Variants in FOXN3 observed in about 807,000 individuals in gnomAD.
FOXN3 encodes forkhead box N3.
FOXN3 carries 7 observed loss-of-function variants against 38.4 expected under a neutral mutation model. The ratio of observed to expected loss-of-function variants is 0.18; its 90% confidence interval spans 0.10 to 0.34. The LOEUF (loss-of-function observed/expected upper bound fraction) is 0.34, where lower values mean the gene tolerates loss of function less well. Among genes scored for constraint, FOXN3 ranks in the 10% least tolerant of loss-of-function variants. FOXN3 has a pLI of 1.00. For missense variants in FOXN3, 456 were observed against 613.4 expected, an observed-to-expected ratio of 0.74 and a Z score of 2.71; for synonymous variants, 230 against 242.2, an observed-to-expected ratio of 0.95 and a Z score of 0.47.
chr14:89,446,190 TTTTTTC>T lies in FOXN3; in HGVS notation c.-14-33706_-14-33701del, dbSNP rs1418940358. On this transcript the variant is annotated intron_variant, in intron 1 of 6. Coordinates refer to the FOXN3 transcript ENST00000345097. ...CTTCCTAAAAGTCTTTTTTTTTTTT[TTTTTTC>T]TTTTTTTTTTGAGACAGAGTCTCAC... is the stretch of plus-strand genomic sequence containing the variant. Among the ~76,000 whole-genome samples, 90 of 78,442 alleles carry T rather than the reference TTTTTTC, an allele frequency of 1.1e-3. 3 individuals carry two copies. Among genetic ancestry groups the T allele is most frequent in the African/African-American group, 4.0e-3 (82 of 20,510 alleles). 51.5% of individuals were successfully genotyped at this position (78,442 alleles called of 152,430 possible).
At chr14:89,593,248 G>T (rs1304605317) in intron 1 of FOXN3, among the ~76,000 whole-genome samples, 1 of 151,090 alleles carries the variant, frequency 6.6e-6, no homozygotes, top group Non-Finnish European at 1.5e-5. Flanking sequence ...AGGGAGGGAG[G>T]GAAGGAAGGA....
At chr14:89,312,899 C>T (rs1887602559) in intron 3 of FOXN3, among the ~76,000 whole-genome samples, 1 of 152,202 alleles carries the variant, frequency 6.6e-6, no homozygotes, top group Non-Finnish European at 1.5e-5. Flanking sequence ...GCCCTGTAAG[C>T]TCACAACCAC....
intron 4 of FOXN3, among the ~76,000 whole-genome samples, chr14:89,197,385 T>C (rs1888124602): frequency 6.6e-6 from 1 of 151,962 alleles, no homozygotes; most frequent in Non-Finnish European, 1.5e-5. Context: ...TGCACACCTG[T>C]AGTCCCAGCC....
chr14:89,297,906 G>A (rs1322135743), intron 3 of FOXN3, among the ~76,000 whole-genome samples: 2 of 152,170 alleles, frequency 1.3e-5, no homozygotes, highest in African/African-American at 4.8e-5. Context: ...GACGGCTTGA[G>A]CCCAGGAGTT....
At chr14:89,179,967 C>T (rs897350322) in intron 5 of FOXN3, among the ~76,000 whole-genome samples, 2 of 152,204 alleles carry the variant, frequency 1.3e-5, no homozygotes, top group Admixed American at 1.3e-4. Context: ...CTTCTGCAGA[C>T]AGCTAGAGGG....
intron 2 of FOXN3, among the ~76,000 whole-genome samples, chr14:89,393,098 C>A (rs2140079613): frequency 6.6e-6 from 1 of 152,116 alleles, no homozygotes; most frequent in East Asian, 1.9e-4. Context: ...AGCCACCGTG[C>A]CCGGCTTAAT....
At chr14:89,567,975 G>A (rs1208653350) in intron 1 of FOXN3, among the ~76,000 whole-genome samples, 1 of 151,926 alleles carries the variant, frequency 6.6e-6, no homozygotes, top group Non-Finnish European at 1.5e-5. Context: ...ACCCGCCTCG[G>A]CCTCCCAAAG....
chr14:89,561,951 C>T (rs977672487), intron 1 of FOXN3, among the ~76,000 whole-genome samples: 1 of 152,126 alleles, frequency 6.6e-6, no homozygotes, highest in African/African-American at 2.4e-5. Context: ...CCATGCCGTT[C>T]TAGGCATCAT....
chr14:89,214,498 G>A (rs1171570750), intron 4 of FOXN3, among the ~76,000 whole-genome samples: 1 of 152,198 alleles, frequency 6.6e-6, no homozygotes, highest in Non-Finnish European at 1.5e-5. Context: ...CTCCGAATCA[G>A]GAACCTGCCT....
intron 4 of FOXN3, chr14:89,230,833 CTTGT>C (rs1205479232): frequency 2.2e-6 from 1 of 455,680 alleles, no homozygotes. Context: ...AGTGTTCAGC[CTTGT>C]TTCTCAATGG....
chr14:89,411,082 T>C (rs1891532251), intron 2 of FOXN3, among the ~76,000 whole-genome samples: 1 of 152,126 alleles, frequency 6.6e-6, no homozygotes, highest in African/African-American at 2.4e-5. Flanking sequence ...CCACCTCCTG[T>C]CAGATCAGCG....
chr14:89,540,435 C>T (rs1378365382), intron 1 of FOXN3, among the ~76,000 whole-genome samples: 1 of 152,064 alleles, frequency 6.6e-6, no homozygotes, highest in Non-Finnish European at 1.5e-5. Context: ...CTAAAGCAAC[C>T]AGTTACAAAG....
chr14:89,411,626 A>G lies in FOXN3; in HGVS notation c.543+308T>C, dbSNP rs534067145. 2.0e-5 allele frequency among the ~76,000 whole-genome samples: 3 copies of G among 152,314 alleles called. No homozygotes were observed. The East Asian group carries it at 5.8e-4, about 29-fold the overall frequency. ...TACTGACCTTTGTTAAGACCCTAAA[A>G]CCAAAGTGACCCATCCACACTGAGG... is the stretch of plus-strand genomic sequence containing the variant. On this transcript the variant is annotated intron_variant, in intron 2 of 5. Coordinates refer to ENST00000557258, the MANE Select transcript of FOXN3 (RefSeq NM_005197.4).
intron 2 of FOXN3, among the ~76,000 whole-genome samples, chr14:89,390,089 A>G (rs1470901482): frequency 6.6e-6 from 1 of 151,590 alleles, no homozygotes; most frequent in East Asian, 1.9e-4. Flanking sequence ...AGCCAGGCAT[A>G]GTGACACAAG....
chr14:89,316,372 ATTCTTCTTC>A (rs137854995), intron 3 of FOXN3, among the ~76,000 whole-genome samples: 1 of 151,546 alleles, frequency 6.6e-6, no homozygotes. Context: ...GCAAACAATG[ATTCTTCTTC>A]TTCTTCTTTT....
chr14:89,570,161 G>A (rs1216009131), intron 1 of FOXN3, among the ~76,000 whole-genome samples: 4 of 151,918 alleles, frequency 2.6e-5, no homozygotes, highest in African/African-American at 4.8e-5. Flanking sequence ...CACCACGCCC[G>A]GCTAATTTTT....
chr14:89,408,895 C>A (rs1052379461), intron 2 of FOXN3, among the ~76,000 whole-genome samples: 1 of 152,060 alleles, frequency 6.6e-6, no homozygotes, highest in African/African-American at 2.4e-5. Flanking sequence ...TAGGAAAAAA[C>A]AAGTTTACCC....
chr14:89,287,819 G>C (rs1886679860), intron 3 of FOXN3, among the ~76,000 whole-genome samples: 2 of 151,182 alleles, frequency 1.3e-5, no homozygotes, highest in South Asian at 4.2e-4. Flanking sequence ...GGGAGGTCTA[G>C]GCAGGAAGAT....
chr14:89,609,364 G>A (rs1012618452), intron 1 of FOXN3, among the ~76,000 whole-genome samples: 14 of 151,996 alleles, frequency 9.2e-5, no homozygotes, highest in Non-Finnish European at 1.6e-4. Flanking sequence ...CACCACGCCC[G>A]GCTAATTTTT....
Sources: allele counts gnomAD v4.1 joint callset (sites outside exome capture counted in the v4.1 genomes callset), GRCh38; gene constraint gnomAD v4.1.1; transcripts MANE v1.5; gene names NCBI Gene and HGNC (gene_info 2026-07-23, HGNC 2026-07-21).